The following C12orf42 variants were observed in gnomAD, a reference collection of about 807,000 sequenced individuals.
The protein encoded by C12orf42 is chromosome 12 open reading frame 42.
Under a neutral mutation model 21.6 loss-of-function variants are expected in C12orf42, and 25 were observed. The observed-to-expected ratio is 1.16, with a 90% CI of 0.84 to 1.62. The LOEUF (loss-of-function observed/expected upper bound fraction) is 1.62. Ranked by LOEUF, C12orf42 falls within the 40% of genes most tolerant of loss-of-function variation. C12orf42 has a pLI of 0.00. For synonymous variants in C12orf42, 174 were observed against 175.0 expected, an observed-to-expected ratio of 0.99 and a Z score of 0.05; for missense variants, 483 against 459.3, an observed-to-expected ratio of 1.05 and a Z score of -0.47.
chr12:103,204,366 T>C, the C12orf42 span, among the ~76,000 whole-genome samples: 2 of 152,216 alleles, frequency 1.3e-5, no homozygotes, highest in East Asian at 3.8e-4. Context: ...GATTTTCTTT[T>C]CTGCCTCCTG....
chr12:103,369,770 A>G (rs2045022480), intron 3 of C12orf42, among the ~76,000 whole-genome samples: 1 of 152,144 alleles, frequency 6.6e-6, no homozygotes, highest in East Asian at 1.9e-4. Flanking sequence ...TAAAACTATA[A>G]AAACCCAGAA....
At chr12:103,502,334 G>C in the C12orf42 span, among the ~76,000 whole-genome samples, 1 of 152,172 alleles carries the variant, frequency 6.6e-6, no homozygotes, top group Non-Finnish European at 1.5e-5. Flanking sequence ...CCATGGAGCA[G>C]TCAGAGTGAT....
the C12orf42 span, among the ~76,000 whole-genome samples, chr12:103,118,636 A>C: frequency 6.6e-6 from 1 of 151,980 alleles, no homozygotes; most frequent in Admixed American, 6.6e-5. Flanking sequence ...GTCTCTACTA[A>C]AAATACAAAA....
chr12:103,448,117 A>G (rs1056513125), intron 2 of C12orf42, among the ~76,000 whole-genome samples: 9 of 152,220 alleles, frequency 5.9e-5, no homozygotes, highest in Admixed American at 1.3e-4. Flanking sequence ...GGAACAGAAT[A>G]GAAAACCCAG....
At chr12:103,149,578 G>A in the C12orf42 span, among the ~76,000 whole-genome samples, 2 of 136,216 alleles carry the variant, frequency 1.5e-5, no homozygotes, top group South Asian at 4.6e-4. Flanking sequence ...TTATGGGGGC[G>A]GTTTCCCCCA....
chr12:103,547,574 G>T, the C12orf42 span, among the ~76,000 whole-genome samples: 2 of 151,540 alleles, frequency 1.3e-5, no homozygotes, highest in Non-Finnish European at 2.9e-5. Context: ...ATTAGACATG[G>T]TTACTGCCTT....
At chr12:103,357,314 T>A (rs1026122625) in intron 4 of C12orf42, among the ~76,000 whole-genome samples, 4 of 151,460 alleles carry the variant, frequency 2.6e-5, no homozygotes, top group African/African-American at 4.8e-5. Flanking sequence ...AAATAAAAAA[T>A]AATAATAATA....
At chr12:103,076,493 G>A in the C12orf42 span, among the ~76,000 whole-genome samples, 2 of 152,028 alleles carry the variant, frequency 1.3e-5, no homozygotes, top group African/African-American at 2.4e-5. Context: ...GACCAGAGAA[G>A]CCTTCCTCAG....
chr12:103,423,043 A>G (rs1317170730), intron 2 of C12orf42, among the ~76,000 whole-genome samples: 1 of 152,184 alleles, frequency 6.6e-6, no homozygotes, highest in African/African-American at 2.4e-5. Context: ...CGATGCCCCC[A>G]GAACTGTAAC....
chr12:103,098,835 A>G, the C12orf42 span, among the ~76,000 whole-genome samples: 10 of 152,232 alleles, frequency 6.6e-5, no homozygotes, highest in Non-Finnish European at 1.3e-4. Flanking sequence ...GGACTGCAAA[A>G]CCATCATGCT....
intron 2 of C12orf42, among the ~76,000 whole-genome samples, chr12:103,425,558 A>G (rs933468663): frequency 2.0e-5 from 3 of 152,122 alleles, no homozygotes; most frequent in Admixed American, 6.5e-5. Context: ...TCTGGAGTGG[A>G]CCTCCAGCAA....
intron 10 of C12orf42, among the ~76,000 whole-genome samples, chr12:103,261,678 T>C (rs1164713138): frequency 6.6e-6 from 1 of 152,050 alleles, no homozygotes; most frequent in South Asian, 2.1e-4. Context: ...ATTATATATA[T>C]CTCATTTTAT....
the C12orf42 span, among the ~76,000 whole-genome samples, chr12:103,545,754 T>G: frequency 6.6e-6 from 1 of 152,312 alleles, no homozygotes; most frequent in East Asian, 1.9e-4. Flanking sequence ...CACTCTCTTC[T>G]CTTTCCCAGA....
At chr12:103,131,714 A>T in the C12orf42 span, among the ~76,000 whole-genome samples, 1 of 152,304 alleles carries the variant, frequency 6.6e-6, no homozygotes, top group African/African-American at 2.4e-5. Flanking sequence ...TAGGGCTATG[A>T]TGGCAGGTTG....
chr12:103,476,810 A>G (rs559501939), intron 2 of C12orf42: 1 of 152,344 alleles, frequency 6.6e-6, no homozygotes, highest in Non-Finnish European at 1.5e-5. Flanking sequence ...GCAAAATAAT[A>G]CAATCAATAG....
chr12:103,146,559 G>GAAAAGA, the C12orf42 span, among the ~76,000 whole-genome samples: 1 of 28,618 alleles, frequency 3.5e-5, no homozygotes, highest in Non-Finnish European at 6.6e-5. Context: ...AATAAAGAAA[G>GAAAAGA]AAAAGAAAGA....
intron 2 of C12orf42, among the ~76,000 whole-genome samples, chr12:103,420,693 T>C (rs1000265404): frequency 5.9e-5 from 9 of 151,906 alleles, no homozygotes; most frequent in African/African-American, 1.9e-4. Flanking sequence ...CCACACCCGG[T>C]TGATTTTAGT....
chr12:103,150,826 G>A, the C12orf42 span, among the ~76,000 whole-genome samples: 1 of 152,180 alleles, frequency 6.6e-6, no homozygotes, highest in Admixed American at 6.5e-5. Flanking sequence ...CTTTTGGACT[G>A]ACTCATATAC....
At chr12:103,342,075 C>T (rs1159386166) in intron 4 of C12orf42, among the ~76,000 whole-genome samples, 1 of 152,016 alleles carries the variant, frequency 6.6e-6, no homozygotes, top group Non-Finnish European at 1.5e-5. Flanking sequence ...GATAGATAGA[C>T]AGATAAAATA....
Sources: allele counts gnomAD v4.1 joint callset (sites outside exome capture counted in the v4.1 genomes callset), GRCh38; gene constraint gnomAD v4.1.1; transcripts MANE v1.5; gene names NCBI Gene and HGNC (gene_info 2026-07-23, HGNC 2026-07-21).